BCAR3: variants seen among roughly 807,000 people sequenced by gnomAD.
The protein encoded by BCAR3 is breast cancer anti-estrogen resistance protein 3.
In BCAR3, 37 loss-of-function variants were observed where a neutral mutation model predicts 80.1. The observed-to-expected ratio is 0.46, with a 90% CI of 0.36 to 0.61. BCAR3 has a LOEUF of 0.61. Among genes scored for constraint, BCAR3 ranks in the 20% least tolerant of loss-of-function variants. The probability of loss-of-function intolerance (pLI) is 0.00; values close to 1 mark genes in which losing one functional copy is unlikely to be tolerated. For missense variants in BCAR3, 978 were observed against 1,068.2 expected (o/e 0.92, Z 1.18); for synonymous variants, 389 against 418.9 (o/e 0.93, Z 0.87).
At chr1:93,730,794 G>A (rs932594041) in intron 2 of BCAR3, among the ~76,000 whole-genome samples, 7 of 152,212 alleles carry the variant, frequency 4.6e-5, no homozygotes, top group South Asian at 2.1e-4. Flanking sequence ...TCCCTCATCC[G>A]GAAGGTGGAG....
At chr1:93,590,849 CAGACATACAATGT>C (rs1674143017) in intron 4 of BCAR3, among the ~76,000 whole-genome samples, 1 of 152,120 alleles carries the variant, frequency 6.6e-6, no homozygotes, top group Non-Finnish European at 1.5e-5. Flanking sequence ...ATACCGTGGA[CAGACATACAATGT>C]AGGCTGGTGC....
chr1:93,579,045 C>G (rs374859177), intron 7 of BCAR3, among the ~76,000 whole-genome samples: 1 of 152,124 alleles, frequency 6.6e-6, no homozygotes, highest in Non-Finnish European at 1.5e-5. Context: ...AAAGACCTTG[C>G]GCACGGTGGG....
At chr1:93,664,003 C>A (rs1201720767) in intron 2 of BCAR3, among the ~76,000 whole-genome samples, 1 of 152,228 alleles carries the variant, frequency 6.6e-6, no homozygotes, top group African/African-American at 2.4e-5. Context: ...AATCCTTTTT[C>A]TTACAGTCTA....
chr1:93,621,069 CG>C (rs1361040591), intron 3 of BCAR3, among the ~76,000 whole-genome samples: 1 of 152,184 alleles, frequency 6.6e-6, no homozygotes, highest in Non-Finnish European at 1.5e-5. Flanking sequence ...GGGCGGAGGG[CG>C]GGGTCAGTAC....
At chr1:93,826,504 T>A (rs1654376656) in intron 2 of BCAR3, among the ~76,000 whole-genome samples, 1 of 152,202 alleles carries the variant, frequency 6.6e-6, no homozygotes, top group African/African-American at 2.4e-5. Flanking sequence ...TATTTGTCTC[T>A]CCCTTTCACA....
Position 93,644,444 on chromosome 1 carries a change from C to T in BCAR3, c.318-2101G>A, listed in dbSNP as rs530245119. Among the ~76,000 whole-genome samples, 19 of 152,316 alleles carry T rather than the reference C, an allele frequency of 1.2e-4. No homozygotes were observed. In the South Asian group the frequency reaches 3.3e-3, roughly 27 times the overall value. ...TAAATTCACCTACAGCCTGGAAGCC[C>T]CTGCTTTGAGTTGTCCCACCTTTCT... On this transcript the variant is annotated intron_variant, in intron 2 of 11. Coordinates refer to ENST00000260502, the MANE Select transcript of BCAR3 (RefSeq NM_003567.4).
At chr1:93,723,904 C>A (rs1460939352) in intron 2 of BCAR3, among the ~76,000 whole-genome samples, 3 of 152,142 alleles carry the variant, frequency 2.0e-5, no homozygotes, top group Non-Finnish European at 2.9e-5. Flanking sequence ...ATTTTCCCAT[C>A]CTGTGTGGTC....
intron 9 of BCAR3, among the ~76,000 whole-genome samples, chr1:93,571,202 TAAA>T (rs57983230): frequency 1.4e-5 from 2 of 140,582 alleles, no homozygotes. Context: ...AGACTTCGTT[TAAA>T]AAAAAAAAAA....
At chr1:93,642,139 A>G (rs144270919) in intron 3 of BCAR3, among the ~76,000 whole-genome samples, 165 bp downstream of exon 3, 6 of 152,282 alleles carry the variant, frequency 3.9e-5, no homozygotes, top group Non-Finnish European at 1.5e-5. Context: ...ACCCCTACAA[A>G]ATTTACCAAA....
intron 2 of BCAR3, among the ~76,000 whole-genome samples, chr1:93,671,926 C>G (rs1208594489): frequency 6.6e-6 from 1 of 151,820 alleles, no homozygotes; most frequent in Non-Finnish European, 1.5e-5. Flanking sequence ...AATAGTAGTA[C>G]AGAGCAGGGT....
At chr1:93,837,118 T>C (rs1654799073) in intron 2 of BCAR3, among the ~76,000 whole-genome samples, 1 of 152,138 alleles carries the variant, frequency 6.6e-6, no homozygotes, top group African/African-American at 2.4e-5. Flanking sequence ...CTTGGGAGGC[T>C]AAGGCAGGAG....
chr1:93,846,005 T>G (rs781498913), intron 1 of BCAR3, among the ~76,000 whole-genome samples: 11 of 151,562 alleles, frequency 7.3e-5, no homozygotes, highest in Non-Finnish European at 1.6e-4. Context: ...TAACAAAATA[T>G]GATTCATCAC....
intron 2 of BCAR3, among the ~76,000 whole-genome samples, chr1:93,721,152 G>C (rs1047168254): frequency 6.6e-6 from 1 of 152,162 alleles, no homozygotes; most frequent in Non-Finnish European, 1.5e-5. Flanking sequence ...AGGAAGGAAG[G>C]GTAGGAAAGG....
intron 3 of BCAR3, among the ~76,000 whole-genome samples, chr1:93,620,166 G>A (rs988140501): frequency 1.3e-5 from 2 of 152,164 alleles, no homozygotes; most frequent in Admixed American, 6.5e-5. Context: ...GAAGAGAGTG[G>A]ACACCCACCC....
At chr1:93,813,379 C>G (rs1297011553) in intron 2 of BCAR3, among the ~76,000 whole-genome samples, 1 of 152,306 alleles carries the variant, frequency 6.6e-6, no homozygotes, top group East Asian at 1.9e-4. Context: ...CCCCCACCCC[C>G]TCAATGAGAA....
intron 3 of BCAR3, among the ~76,000 whole-genome samples, chr1:93,639,597 C>T (rs1425884041): frequency 6.6e-6 from 1 of 151,930 alleles, no homozygotes; most frequent in Non-Finnish European, 1.5e-5. Context: ...CTGCCTCAGC[C>T]TCCCGAGTAG....
intron 3 of BCAR3, among the ~76,000 whole-genome samples, chr1:93,603,040 T>A (rs1377771316): frequency 6.6e-6 from 1 of 152,266 alleles, no homozygotes; most frequent in Non-Finnish European, 1.5e-5. Context: ...AAGGTTTGAA[T>A]TCACCAATCC....
At chr1:93,617,970 A>T (rs1675190725) in intron 3 of BCAR3, among the ~76,000 whole-genome samples, 1 of 152,202 alleles carries the variant, frequency 6.6e-6, no homozygotes, top group Admixed American at 6.5e-5. Flanking sequence ...ATTCTGAACA[A>T]ATAAGCCAGC....
intron 2 of BCAR3, among the ~76,000 whole-genome samples, chr1:93,809,928 C>A (rs1051787293): frequency 2.0e-5 from 3 of 151,998 alleles, no homozygotes; most frequent in Admixed American, 2.0e-4. Flanking sequence ...TGGCCCGATG[C>A]GGTGGCTCAC....
Sources: gnomAD v4.1 joint callset for allele counts (sites outside exome capture counted in the v4.1 genomes callset) on GRCh38, gnomAD v4.1.1 for gene constraint, MANE v1.5 for transcripts, NCBI Gene and HGNC (gene_info 2026-07-23, HGNC 2026-07-21) for gene names.